GRID1: variants seen among roughly 807,000 people sequenced by gnomAD.
The protein encoded by GRID1 is glutamate receptor ionotropic, delta-1.
In GRID1, 28 loss-of-function variants were observed where a neutral mutation model predicts 98.0. That is an observed-to-expected ratio of 0.29 (90% CI 0.21 to 0.39). The LOEUF is 0.39. Among genes scored for constraint, GRID1 ranks in the 10% least tolerant of loss-of-function variants. GRID1 has a pLI of 1.00. For missense variants in GRID1, 1,111 were observed against 1,340.5 expected, an observed-to-expected ratio of 0.83 and a Z score of 2.67; for synonymous variants, 553 against 538.5, an observed-to-expected ratio of 1.03 and a Z score of -0.37.
intron 3 of GRID1, among the ~76,000 whole-genome samples, chr10:86,141,055 AG>A (rs1312854644): frequency 6.6e-6 from 1 of 152,050 alleles, no homozygotes; most frequent in Non-Finnish European, 1.5e-5. Flanking sequence ...GGCTTCACAA[AG>A]AACAAGGGTC....
chr10:86,365,216 G>A lies in GRID1; in HGVS notation c.79+1098C>T, dbSNP rs1848658622. 6.6e-6 allele frequency among the ~76,000 whole-genome samples: 1 copy of A among 152,096 alleles called. No homozygotes were observed. Among genetic ancestry groups the A allele is most frequent in the African/African-American group, 2.4e-5 (1 of 41,434 alleles). Reference sequence around the variant, plus strand: ...GAGGAATCGTAGCTCTCCGAGCCCAGGCCTAGTCCTCACCACCCCACTCCA... The same window carrying A: ...GAGGAATCGTAGCTCTCCGAGCCCAAGCCTAGTCCTCACCACCCCACTCCA... On this transcript the variant is annotated intron_variant, in intron 1 of 15. Transcript: ENST00000327946. The surrounding 1 kb of genome is among the most constrained non-coding windows in gnomAD (Gnocchi z 4.8).
At chr10:85,904,134 T>C (rs1377680192) in intron 5 of GRID1, among the ~76,000 whole-genome samples, 1 of 152,226 alleles carries the variant, frequency 6.6e-6, no homozygotes, top group Non-Finnish European at 1.5e-5. Context: ...CCAGGAGTTT[T>C]CTGAGAATTA....
intron 4 of GRID1, among the ~76,000 whole-genome samples, chr10:85,994,883 A>G (rs1462302166): frequency 1.3e-5 from 2 of 152,266 alleles, no homozygotes; most frequent in Non-Finnish European, 2.9e-5. Context: ...TGAGAATGCA[A>G]GACAGAATCT....
intron 12 of GRID1, 57 bp from the exon 13 acceptor site, chr10:85,647,454 G>C (rs1843210604): frequency 7.4e-7 from 1 of 1,345,200 alleles, no homozygotes; most frequent in Admixed American, 1.7e-5. Flanking sequence ...CACACTGCAA[G>C]GATACAAATG....
intron 5 of GRID1, among the ~76,000 whole-genome samples, chr10:85,886,147 A>G (rs1841115422): frequency 1.3e-5 from 2 of 152,178 alleles, no homozygotes; most frequent in South Asian, 4.1e-4. Flanking sequence ...TTGTTGAGAC[A>G]TAAGGGGGTT....
In GRID1 at chr10:85,844,252, T is replaced by C. The variant is rs188188231; in HGVS notation, c.1233+10244A>G. 1.4e-3 allele frequency among the ~76,000 whole-genome samples: 215 copies of C among 152,144 alleles called. 1 individual carries two copies. Among genetic ancestry groups the C allele is most frequent in the South Asian group, 4.2e-3 (20 of 4,818 alleles). ...TAGAAATGTAGAATAGAAAATATTA[T>C]GGTTATCAGGAGGTAGGAACAAGAA... On this transcript the variant is annotated intron_variant, in intron 8 of 15. Coordinates refer to ENST00000327946, the MANE Select transcript of GRID1 (RefSeq NM_017551.3).
At chr10:86,046,765 C>A (rs185795739) in intron 4 of GRID1, among the ~76,000 whole-genome samples, 59 of 149,484 alleles carry the variant, frequency 3.9e-4, no homozygotes, top group Middle Eastern at 7.0e-3. Context: ...ATTATCCCTA[C>A]AAAACTCACA....
intron 4 of GRID1, among the ~76,000 whole-genome samples, chr10:85,939,924 G>T (rs933746956): frequency 1.3e-5 from 2 of 151,996 alleles, no homozygotes; most frequent in African/African-American, 4.8e-5. Flanking sequence ...AAAATTAGCT[G>T]GGCATGGTGG....
chr10:86,038,757 G>A (rs552827635), intron 4 of GRID1, among the ~76,000 whole-genome samples: 4 of 152,226 alleles, frequency 2.6e-5, no homozygotes, highest in Admixed American at 6.5e-5. Flanking sequence ...TCTCTTTAAC[G>A]TAACTTTGTG....
At chr10:85,638,331 T>G (rs1278264386) in intron 13 of GRID1, among the ~76,000 whole-genome samples, 1 of 152,230 alleles carries the variant, frequency 6.6e-6, no homozygotes, top group Non-Finnish European at 1.5e-5. Context: ...CAGGCATTTT[T>G]GAAGAAATTG....
At chr10:86,276,055 G>C (rs1423259686) in intron 2 of GRID1, among the ~76,000 whole-genome samples, 1 of 152,190 alleles carries the variant, frequency 6.6e-6, no homozygotes, top group African/African-American at 2.4e-5. Flanking sequence ...ATGTACAAGG[G>C]ATTCCCAATG....
intron 2 of GRID1, among the ~76,000 whole-genome samples, chr10:86,354,697 T>C (rs1312393110): frequency 6.6e-6 from 1 of 152,190 alleles, no homozygotes; most frequent in Non-Finnish European, 1.5e-5. Context: ...TAGAGCAAGG[T>C]AGGCCTGCCC....
intron 8 of GRID1, among the ~76,000 whole-genome samples, chr10:85,802,959 G>C (rs960637911): frequency 5.9e-5 from 9 of 151,750 alleles, no homozygotes; most frequent in Non-Finnish European, 1.0e-4. Flanking sequence ...TGGAGACAGA[G>C]AGTAATTGGT....
At chr10:86,003,305 GC>G (rs1164208657) in intron 4 of GRID1, among the ~76,000 whole-genome samples, 1 of 152,232 alleles carries the variant, frequency 6.6e-6, no homozygotes, top group Non-Finnish European at 1.5e-5. Context: ...AGAACGGGGA[GC>G]CCTTGGCACA....
intron 4 of GRID1, among the ~76,000 whole-genome samples, chr10:85,971,302 C>T (rs536794758): frequency 6.6e-6 from 1 of 151,964 alleles, no homozygotes; most frequent in East Asian, 1.9e-4. Context: ...TAAAATAAGA[C>T]AAAAGGCAGT....
At chr10:86,014,391 T>C (rs1208348064) in intron 4 of GRID1, among the ~76,000 whole-genome samples, 1 of 152,188 alleles carries the variant, frequency 6.6e-6, no homozygotes, top group South Asian at 2.1e-4. Flanking sequence ...CCACCCAACA[T>C]AGACTGGATG....
intron 8 of GRID1, among the ~76,000 whole-genome samples, chr10:85,783,634 A>G (rs2132729555): frequency 6.6e-6 from 1 of 152,294 alleles, no homozygotes; most frequent in South Asian, 2.1e-4. Context: ...TGCTAAAAAC[A>G]CTTCGTCCTT....
intron 3 of GRID1, among the ~76,000 whole-genome samples, chr10:86,186,663 C>G (rs1462197066): frequency 6.6e-6 from 1 of 152,210 alleles, no homozygotes; most frequent in African/African-American, 2.4e-5. Context: ...ACCTAACTTA[C>G]AGAGGTGTTA....
chr10:85,836,902 C>T (rs1025120094), intron 8 of GRID1, among the ~76,000 whole-genome samples: 6 of 152,152 alleles, frequency 3.9e-5, no homozygotes, highest in East Asian at 3.9e-4. Context: ...GGACCAAGCC[C>T]GACAGGTGGA....
Sources: gnomAD v4.1 joint callset for allele counts (sites outside exome capture counted in the v4.1 genomes callset) on GRCh38, gnomAD v4.1.1 for gene constraint, Gnocchi (gnomAD v3.1) non-coding constraint, MANE v1.5 for transcripts, NCBI Gene and HGNC (gene_info 2026-07-23, HGNC 2026-07-21) for gene names.